Variants in CIZ1 observed in about 807,000 individuals in gnomAD.
CIZ1 encodes cip1-interacting zinc finger protein.
In CIZ1, 58 loss-of-function variants were observed where a neutral mutation model predicts 118.6. That is an observed-to-expected ratio of 0.49 (90% confidence interval 0.40 to 0.61). The LOEUF (loss-of-function observed/expected upper bound fraction) is 0.61, where lower values mean the gene tolerates loss of function less well. Ranked by LOEUF, CIZ1 falls within the 20% of genes least tolerant of loss-of-function variation. The probability of loss-of-function intolerance (pLI) is 0.00; values close to 1 mark genes in which losing one functional copy is unlikely to be tolerated. For missense variants in CIZ1, 921 were observed against 1,115.9 expected (o/e 0.83, Z 2.49); for synonymous variants, 448 against 443.4 (o/e 1.01, Z -0.13).
Position 128,169,387 on chromosome 9 carries a change from C to A in CIZ1, c.2145+19G>T. ...CTGTACCTCTCTGGGCCCATGTCCTCTGAGGGAGCTCAGGTTACCTCCTTG... is the reference window on the plus strand; with the variant it reads ...CTGTACCTCTCTGGGCCCATGTCCTATGAGGGAGCTCAGGTTACCTCCTTG... On this transcript the variant is annotated intron_variant, in intron 13 of 16. Coordinates refer to ENST00000372938, the MANE Select transcript of CIZ1 (RefSeq NM_001131016.2). 1 of 1,602,214 alleles carries A rather than the reference C, an allele frequency of 6.2e-7. No homozygotes were observed.
At chr9:128,195,752 C>T (rs1310305305), upstream of CIZ1, among the ~76,000 whole-genome samples, 1 of 152,066 alleles carries the variant, frequency 6.6e-6, no homozygotes, top group Non-Finnish European at 1.5e-5. Flanking sequence ...TAGTGCAAGC[C>T]CCTGACATTG....
intron 6 of CIZ1, 60 bp downstream of exon 6, chr9:128,180,661 C>G (rs1036687505): frequency 1.1e-5 from 15 of 1,419,892 alleles, no homozygotes; most frequent in Non-Finnish European, 1.5e-5. Flanking sequence ...CCTGCTGACC[C>G]GCCCACTGGC....
chr9:128,196,787 A>G (rs1015724611), intron 1 of CIZ1: 1 of 152,140 alleles, frequency 6.6e-6, no homozygotes, highest in Non-Finnish European at 1.5e-5. Context: ...TATTTTTAGT[A>G]GAGACAAGGT....
chr9:128,168,431 G>A (rs545682922), intron 14 of CIZ1, among the ~76,000 whole-genome samples: 2 of 151,340 alleles, frequency 1.3e-5, no homozygotes, highest in East Asian at 1.9e-4. Context: ...CATGAGAATC[G>A]CATGAACCCA....
chr9:128,190,447 G>C lies in CIZ1; in HGVS notation c.171-3C>G. ...GTGGCTGCTGCGGGGGGAGCCCCCT[G>C]TGTGTTGGGAGGGGGTGTCAGAGGG... On this transcript the variant is annotated splice_polypyrimidine_tract_variant and splice_region_variant and intron_variant, in intron 2 of 16. Coordinates refer to ENST00000372938, the MANE Select transcript of CIZ1 (RefSeq NM_001131016.2). 1.2e-6 allele frequency: 2 copies of C among 1,606,448 alleles called. No homozygotes were observed. The highest frequency in any genetic ancestry group is 1.7e-6 in the Non-Finnish European group (2 of 1,174,720).
In CIZ1 at chr9:128,191,488, G is replaced by A. The variant is rs1001692845; in HGVS notation, c.-62C>T. 936 of 993,040 alleles carry A rather than the reference G, an allele frequency of 9.4e-4. No homozygotes were observed. Among genetic ancestry groups the A allele is most frequent in the Middle Eastern group, 1.5e-3 (3 of 1,956 alleles). 61.5% of individuals were successfully genotyped at this position (993,040 alleles called of 1,614,324 possible). On this transcript the variant is annotated 5_prime_UTR_variant, in exon 1 of 17. Coordinates refer to ENST00000372938, the MANE Select transcript of CIZ1 (RefSeq NM_001131016.2). The surrounding 1 kb of genome is among the most constrained non-coding windows in gnomAD (Gnocchi z 5.5). ...TCGCCCCCACGGATGGGCCGGCCCCGCAGCCCCCACGCCTCGGCCGGGCGG... is the reference window on the plus strand; with the variant it reads ...TCGCCCCCACGGATGGGCCGGCCCCACAGCCCCCACGCCTCGGCCGGGCGG...
upstream of CIZ1, among the ~76,000 whole-genome samples, chr9:128,192,765 A>G (rs1400640017): frequency 6.6e-6 from 1 of 152,044 alleles, no homozygotes; most frequent in Non-Finnish European, 1.5e-5. Context: ...CTAGTCTCGA[A>G]CTCCTGACCT....
intron 5 of CIZ1, among the ~76,000 whole-genome samples, chr9:128,181,452 T>C (rs1338984716): frequency 6.6e-6 from 1 of 152,264 alleles, no homozygotes; most frequent in Non-Finnish European, 1.5e-5. Context: ...GATATGATTA[T>C]ATATGAGTAT....
At chr9:128,187,786 A>G in intron 4 of CIZ1, 77 bp downstream of exon 4, 4 of 410,310 alleles carry the variant, frequency 9.7e-6, no homozygotes, top group Non-Finnish European at 1.8e-5. Context: ...AACATTCATG[A>G]CATAGCTTCT....
intron 14 of CIZ1, 39 bp from the exon 15 acceptor site, chr9:128,167,203 C>T: frequency 6.8e-7 from 1 of 1,481,012 alleles, no homozygotes; most frequent in East Asian, 2.3e-5. Context: ...TCTGGCTTCC[C>T]CTTGACACCT....
intron 3 of CIZ1, among the ~76,000 whole-genome samples, chr9:128,188,848 G>A (rs1832773624): frequency 6.6e-6 from 1 of 151,892 alleles, no homozygotes; most frequent in African/African-American, 2.4e-5. Context: ...TGCTGGGCTG[G>A]AGTACGGTGG....
At chr9:128,177,127 A>G (rs1830962053) in intron 10 of CIZ1, among the ~76,000 whole-genome samples, 1 of 152,064 alleles carries the variant, frequency 6.6e-6, no homozygotes, top group Non-Finnish European at 1.5e-5. Context: ...TGACCTTGTG[A>G]TCCACCCACC....
chr9:128,177,952 T>C (rs1831075705), intron 9 of CIZ1, among the ~76,000 whole-genome samples, 189 bp from the exon 10 acceptor site: 2 of 152,074 alleles, frequency 1.3e-5, no homozygotes, highest in African/African-American at 2.4e-5. Flanking sequence ...CGAACCCAGG[T>C]CGGCCTAAAG....
intron 1 of CIZ1, chr9:128,197,740 G>A (rs568142484): frequency 2.0e-5 from 3 of 152,336 alleles, no homozygotes; most frequent in South Asian, 4.1e-4. Context: ...CACCGGAGAA[G>A]TTTCTTTGGA....
intron 4 of CIZ1, 21 bp from the exon 5 acceptor site, chr9:128,185,797 G>T (rs1424331143): frequency 1.3e-6 from 2 of 1,569,378 alleles, no homozygotes; most frequent in Non-Finnish European, 1.8e-6. Flanking sequence ...GAAGACAGGA[G>T]AAGAGGGGTC....
At chr9:128,194,362 C>CAAAAAAAAA (rs757286334), upstream of CIZ1, among the ~76,000 whole-genome samples, 3 of 74,188 alleles carry the variant, frequency 4.0e-5, no homozygotes, top group African/African-American at 9.7e-5. Context: ...AACTCCATCT[C>CAAAAAAAAA]AAAAAAAAAA....
At chr9:128,194,992 ATTTTTT>A (rs962705420), upstream of CIZ1, among the ~76,000 whole-genome samples, 2 of 149,822 alleles carry the variant, frequency 1.3e-5, no homozygotes, top group African/African-American at 4.9e-5. Flanking sequence ...AAATTTTTGT[ATTTTTT>A]TTTTTAAAGA....
At chr9:128,186,080 G>A (rs1050699341) in intron 4 of CIZ1, among the ~76,000 whole-genome samples, 2 of 152,058 alleles carry the variant, frequency 1.3e-5, no homozygotes, top group Non-Finnish European at 2.9e-5. Context: ...GAGTAGGTGA[G>A]AGACTTAGCA....
chr9:128,179,148 G>C lies in CIZ1; in HGVS notation c.1059C>G (p.His353Gln). 3 of 1,614,070 alleles carry C rather than the reference G, an allele frequency of 1.9e-6. No individual in the cohort carries two copies. Among genetic ancestry groups the C allele is most frequent in the Non-Finnish European group, 2.5e-6 (3 of 1,180,018 alleles). Reference sequence around the variant, plus strand: ...GCACCTGCTTCTGTTGCAGCACTAAGTGCTCTGGAGAGGTCTGTGTTTGCG... The same window carrying C: ...GCACCTGCTTCTGTTGCAGCACTAACTGCTCTGGAGAGGTCTGTGTTTGCG... ...KQAQTQTSPE[H>Q]LVLQQKQVQP... is the part of the protein sequence containing the mutation. The change falls in exon 8 of 17, where the codon CAC becomes CAG. Residue 353 changes from histidine to glutamine, a missense_variant. Coordinates refer to ENST00000372938, the MANE Select transcript of CIZ1 (RefSeq NM_001131016.2).
Sources: gnomAD v4.1 joint callset for allele counts (sites outside exome capture counted in the v4.1 genomes callset) on GRCh38, gnomAD v4.1.1 for gene constraint, Gnocchi (gnomAD v3.1) non-coding constraint, MANE v1.5 for transcripts, NCBI Gene and HGNC (gene_info 2026-07-23, HGNC 2026-07-21) for gene names.